Variants in FRK observed in about 807,000 individuals in gnomAD.
FRK encodes the protein fyn related Src family tyrosine kinase.
A neutral mutation model predicts 56.4 loss-of-function variants in FRK; 51 were observed. The ratio of observed to expected loss-of-function variants is 0.90; its 90% CI spans 0.72 to 1.14. The LOEUF (loss-of-function observed/expected upper bound fraction) is 1.14. Ranked by LOEUF, FRK falls within the 50% of genes most tolerant of loss-of-function variation. The probability of loss-of-function intolerance (pLI) is 0.00; values close to 1 mark genes in which losing one functional copy is unlikely to be tolerated. For missense variants in FRK, 570 were observed against 601.4 expected (o/e 0.95, Z 0.55); for synonymous variants, 245 against 217.9 (o/e 1.12, Z -1.10).
the FRK span, among the ~76,000 whole-genome samples, chr6:116,083,666 T>C: frequency 2.6e-5 from 4 of 152,126 alleles, no homozygotes; most frequent in Non-Finnish European, 5.9e-5. Flanking sequence ...GACCCAAAAA[T>C]TTGTTTCTAA....
At chr6:116,028,437 A>G (rs1292537919) in intron 1 of FRK, among the ~76,000 whole-genome samples, 2 of 152,182 alleles carry the variant, frequency 1.3e-5, no homozygotes, top group African/African-American at 4.8e-5. Flanking sequence ...ACAAAGCACT[A>G]CAAATGGGTT....
At chr6:116,024,057 T>TACAC (rs55922355) in intron 1 of FRK, among the ~76,000 whole-genome samples, 3,216 of 136,652 alleles carry the variant, frequency 0.024, 34 homozygotes, top group East Asian at 0.028. Context: ...CCTGAGAACT[T>TACAC]ACACACACAC....
intron 1 of FRK, among the ~76,000 whole-genome samples, chr6:116,009,293 G>A (rs1002302954): frequency 2.0e-5 from 3 of 152,164 alleles, no homozygotes; most frequent in Non-Finnish European, 4.4e-5. Context: ...GACAGCTTTA[G>A]GCTAATACTT....
chr6:115,950,936 G>A (rs144597805), intron 5 of FRK, among the ~76,000 whole-genome samples: 302 of 152,276 alleles, frequency 2.0e-3, no homozygotes, highest in Middle Eastern at 0.01. Flanking sequence ...ACCAAACACT[G>A]CATGTTCTCA....
chr6:115,972,519 AG>A (rs1236348242), intron 2 of FRK, among the ~76,000 whole-genome samples: 1 of 152,218 alleles, frequency 6.6e-6, no homozygotes, highest in Non-Finnish European at 1.5e-5. Flanking sequence ...GTGTGCCAAC[AG>A]CTTTCTTCAA....
In FRK at chr6:116,045,722, A is replaced by T. The variant is rs1173181418; in HGVS notation, c.344+14246T>A. 7.2e-5 allele frequency among the ~76,000 whole-genome samples: 11 copies of T among 152,344 alleles called. No individual in the cohort carries two copies. The East Asian group carries it at 2.1e-3, about 29-fold the overall frequency. On this transcript the variant is annotated intron_variant, in intron 1 of 7. Transcript: ENST00000606080. ...AAACCTAGGCAATATCATTCAGGAC[A>T]TAGGCATGGGCAAAGACTTCATGAC...
intron 2 of FRK, among the ~76,000 whole-genome samples, chr6:115,969,059 G>A (rs1326859038): frequency 6.6e-6 from 1 of 152,112 alleles, no homozygotes; most frequent in Non-Finnish European, 1.5e-5. Flanking sequence ...GCAATGCAAA[G>A]AAGGACACCT....
rs1445023250 is a variant in FRK at position 115,939,624 on chromosome 6, C to T, written c.*2790G>A. 2.0e-5 allele frequency: 3 copies of T among 152,264 alleles called. No homozygotes were observed. Among genetic ancestry groups the T allele is most frequent in the African/African-American group, 7.2e-5 (3 of 41,456 alleles). The allele number at this position is 152,264 out of a possible 1,614,324, so 9.4% of individuals were successfully genotyped here. On this transcript the variant is annotated 3_prime_UTR_variant, in exon 8 of 8. Transcript: ENST00000606080. ...AAAATCTCCTTAAGCTGATAAGCAA[C>T]TTCAGCAAAGTCTCAGGATACAAAA... is the stretch of plus-strand genomic sequence containing the variant.
chr6:115,998,684 T>C (rs1266399446), intron 2 of FRK, among the ~76,000 whole-genome samples: 2 of 152,180 alleles, frequency 1.3e-5, no homozygotes, highest in Non-Finnish European at 2.9e-5. Context: ...CTAGACTGAG[T>C]TCAGGGACTG....
intron 2 of FRK, among the ~76,000 whole-genome samples, chr6:115,996,386 T>G (rs1312901305): frequency 6.6e-6 from 1 of 152,076 alleles, no homozygotes; most frequent in African/African-American, 2.4e-5. Context: ...AACAGAATCA[T>G]GGTAGCTGAA....
intron 2 of FRK, among the ~76,000 whole-genome samples, chr6:115,996,142 TA>T (rs1250579990): frequency 3.3e-5 from 5 of 152,118 alleles, no homozygotes; most frequent in Admixed American, 6.6e-5. Context: ...CAAGGAGCAA[TA>T]TTTTTTTTGT....
At chr6:116,014,867 T>C (rs544847924) in intron 1 of FRK, among the ~76,000 whole-genome samples, 1 of 152,200 alleles carries the variant, frequency 6.6e-6, no homozygotes, top group Non-Finnish European at 1.5e-5. Flanking sequence ...GTCCAAACTT[T>C]AGAGGTGAAA....
At position 115,953,558 on chromosome 6, in the gene FRK, T is replaced by C. The variant is rs571377219; in HGVS notation, c.958+2894A>G. On this transcript the variant is annotated intron_variant, in intron 5 of 7. Coordinates refer to ENST00000606080, the MANE Select transcript of FRK (RefSeq NM_002031.3). ...GCTATCTGCAGTGAGCATTTGTTCA[T>C]TACTCCTCCTGGCTACTAATCATCA... 2.4e-3 allele frequency among the ~76,000 whole-genome samples: 372 copies of C among 152,298 alleles called. 3 individuals are homozygous for C. The highest frequency in any genetic ancestry group is 8.6e-3 in the African/African-American group (356 of 41,566).
At chr6:116,058,367 C>T (rs1259274394) in intron 1 of FRK, among the ~76,000 whole-genome samples, 1 of 152,080 alleles carries the variant, frequency 6.6e-6, no homozygotes, top group African/African-American at 2.4e-5. Flanking sequence ...TCTATTTAAG[C>T]ATAAATTAAG....
At chr6:116,030,241 A>C (rs1005784528) in intron 1 of FRK, among the ~76,000 whole-genome samples, 6 of 152,116 alleles carry the variant, frequency 3.9e-5, no homozygotes, top group South Asian at 4.1e-4. Context: ...GAGGTAAGGG[A>C]GAGAGGATGA....
At chr6:115,948,639 A>C (rs1031513940) in intron 5 of FRK, among the ~76,000 whole-genome samples, 2 of 152,054 alleles carry the variant, frequency 1.3e-5, no homozygotes, top group African/African-American at 4.8e-5. Context: ...ATAACTTATG[A>C]TTGTTAAATC....
At chr6:116,062,341 A>T (rs959336969), upstream of FRK, among the ~76,000 whole-genome samples, 16 of 152,094 alleles carry the variant, frequency 1.1e-4, no homozygotes, top group African/African-American at 3.4e-4. Context: ...ATACCAAATG[A>T]CCATAAAGGA....
chr6:116,010,577 T>C (rs2114711000), intron 1 of FRK, among the ~76,000 whole-genome samples: 1 of 152,292 alleles, frequency 6.6e-6, no homozygotes, highest in Non-Finnish European at 1.5e-5. Context: ...ATTTCAAATC[T>C]GAATGACTAA....
chr6:116,020,496 G>T (rs1775835957), intron 1 of FRK, among the ~76,000 whole-genome samples: 1 of 151,974 alleles, frequency 6.6e-6, no homozygotes, highest in Non-Finnish European at 1.5e-5. Flanking sequence ...TCACCATGTT[G>T]GCCAGGCTGG....
Sources: allele counts gnomAD v4.1 joint callset (sites outside exome capture counted in the v4.1 genomes callset), GRCh38; gene constraint gnomAD v4.1.1; transcripts MANE v1.5; gene names NCBI Gene and HGNC (gene_info 2026-07-23, HGNC 2026-07-21).